Variants in RBM6 observed in about 807,000 individuals in gnomAD.
RBM6 encodes the protein RNA-binding protein 6.
A neutral mutation model predicts 140.4 loss-of-function variants in RBM6; 23 were observed. The ratio of observed to expected loss-of-function variants is 0.16; its 90% CI spans 0.12 to 0.23. The LOEUF (loss-of-function observed/expected upper bound fraction) is 0.23, where lower values mean the gene tolerates loss of function less well. Ranked by LOEUF, RBM6 falls within the 10% of genes least tolerant of loss-of-function variation. The probability of loss-of-function intolerance (pLI) is 1.00; values close to 1 mark genes in which losing one functional copy is unlikely to be tolerated. For synonymous variants in RBM6, 439 were observed against 475.6 expected (o/e 0.92, Z 1.00); for missense variants, 1,139 against 1,386.7 (o/e 0.82, Z 2.84).
Position 50,070,523 on chromosome 3 carries a change from A to G in RBM6, c.3087A>G (p.Lys1029=). 1 of 1,613,872 alleles carries G rather than the reference A, an allele frequency of 6.2e-7. No homozygotes were observed. Among genetic ancestry groups the G allele is most frequent in the Non-Finnish European group, 8.5e-7 (1 of 1,179,794 alleles). Residue 1029 remains lysine (K), a synonymous_variant, in exon 19 of 21, where the codon AAA becomes AAG. Transcript: ENST00000266022. ...KLQSFDSPER[K]RIKYSRETDS... is the part of the protein sequence containing the mutation. ...AGTCTTTTGACTCTCCAGAAAGGAA[A>G]CGGATTAAGTACTCCAGGGAAACTG...
rs894943903 is a variant in RBM6 at position 49,967,514 on chromosome 3, A to C, written c.89A>C (p.Tyr30Ser). The C allele has an allele frequency of 6.2e-7, 1 of 1,614,118 alleles. No individual in the cohort carries two copies. Among genetic ancestry groups the C allele is most frequent in the Non-Finnish European group, 8.5e-7 (1 of 1,180,022 alleles). ...TTTGCTCCCGGGTGGAACAGGGATT[A>C]TCCTCCTCCTCCCCTTAAGAGTCAT... ...ERFAPGWNRD[Y>S]PPPPLKSHAQ... The change falls in exon 3 of 21, where the codon TAT becomes TCT. Residue 30 changes from tyrosine (Y) to serine (S), a missense_variant. Physicochemically the swap from Tyr to Ser is moderately radical, Grantham distance 144. Coordinates refer to ENST00000266022, the MANE Select transcript of RBM6 (RefSeq NM_005777.3). This position sits in a 1 kb window ranked among gnomAD's most constrained non-coding sequence, Gnocchi z 4.0.
rs187764498 is a variant in RBM6, at chr3:50,060,483, C to T, written c.2229-473C>T. ...TGCTCATTGGGCAGGCGTGGTGGCT[C>T]ACGCCTGTAATCTCAGCACCTGGGG... On this transcript the variant is annotated intron_variant, in intron 11 of 20. Transcript: ENST00000266022. 2.0e-5 allele frequency among the ~76,000 whole-genome samples: 3 copies of T among 151,940 alleles called. No homozygotes were observed. The East Asian group carries it at 5.8e-4, about 29-fold the overall frequency.
chr3:50,018,566 G>A (rs1575706773), intron 6 of RBM6, among the ~76,000 whole-genome samples: 1 of 139,458 alleles, frequency 7.2e-6, no homozygotes, highest in African/African-American at 2.7e-5. Context: ...TTACTGGATC[G>A]TATGGTAGGA....
At chr3:49,956,494 G>C (rs2083996188) in intron 1 of RBM6, among the ~76,000 whole-genome samples, 1 of 150,276 alleles carries the variant, frequency 6.7e-6, no homozygotes, top group Non-Finnish European at 1.5e-5. Flanking sequence ...CACCATGCCT[G>C]GCTAATTTTG....
intron 6 of RBM6, among the ~76,000 whole-genome samples, chr3:50,032,719 G>A (rs1367329605): frequency 6.6e-6 from 1 of 152,074 alleles, no homozygotes; most frequent in African/African-American, 2.4e-5. Context: ...GGGCACGGTG[G>A]CTCACGCCTA....
In RBM6 at chr3:49,956,798, T is replaced by A. The variant is rs140880175; in HGVS notation, c.-66-5778T>A. 2.6e-5 allele frequency among the ~76,000 whole-genome samples: 4 copies of A among 151,460 alleles called. No homozygotes were observed. In the East Asian group the frequency reaches 7.8e-4, roughly 30 times the overall value. On this transcript the variant is annotated intron_variant, in intron 1 of 20. Coordinates refer to ENST00000266022, the MANE Select transcript of RBM6 (RefSeq NM_005777.3). ...CTCCTGCCTCAGCCTCCTGAGTAGC[T>A]GAATTTACAGGCATGCGCCACCATG...
intron 2 of RBM6, among the ~76,000 whole-genome samples, chr3:49,963,396 G>T (rs2108620953): frequency 6.6e-6 from 1 of 151,900 alleles, no homozygotes; most frequent in Non-Finnish European, 1.5e-5. Context: ...ACTATGCCTG[G>T]CTAATTTCAT....
intron 7 of RBM6, among the ~76,000 whole-genome samples, chr3:50,052,922 C>T (rs1010771947): frequency 6.6e-6 from 1 of 151,112 alleles, no homozygotes; most frequent in African/African-American, 2.4e-5. Context: ...CCAAGGCTGA[C>T]AATGGAGAGA....
intron 17 of RBM6, among the ~76,000 whole-genome samples, chr3:50,067,992 G>T (rs764940166): frequency 6.6e-6 from 1 of 152,172 alleles, no homozygotes; most frequent in Non-Finnish European, 1.5e-5. Flanking sequence ...GAAGTTGTGA[G>T]TTGTCAGACT....
At chr3:50,056,543 C>T (rs751644403) in intron 8 of RBM6, among the ~76,000 whole-genome samples, 8 of 152,174 alleles carry the variant, frequency 5.3e-5, no homozygotes, top group Non-Finnish European at 7.4e-5. Flanking sequence ...ATCTGCCCGC[C>T]TCAGTCTCCC....
Position 50,066,307 on chromosome 3 carries a change from GGAA to G in RBM6, c.2754_2756del (p.Glu921del). 3 of 1,614,138 alleles carry G rather than the reference GGAA, an allele frequency of 1.9e-6. No homozygotes were observed. Among genetic ancestry groups the G allele is most frequent in the Non-Finnish European group, 2.5e-6 (3 of 1,180,032 alleles). ...ATGGAGGAGACAGTGACTATGAGGA[GGAA>G]GAAGAGGAGGAACAGACCCCTCCCC... On this transcript the variant is annotated inframe_deletion, in exon 17 of 21. Coordinates refer to ENST00000266022, the MANE Select transcript of RBM6 (RefSeq NM_005777.3).
chr3:50,008,546 CTTTTTTTTTTTTT>C (rs5848909), intron 6 of RBM6, among the ~76,000 whole-genome samples: 5 of 73,694 alleles, frequency 6.8e-5, no homozygotes, highest in South Asian at 7.8e-4. Flanking sequence ...TCTTTTGTAA[CTTTTTTTTTTTTT>C]TTTTTTTTTT....
chr3:49,951,541 A>G (rs1212813131), intron 1 of RBM6, among the ~76,000 whole-genome samples: 1 of 150,708 alleles, frequency 6.6e-6, no homozygotes, highest in African/African-American at 2.4e-5. Context: ...GGCCTTTACT[A>G]TATTTTATTT....
intron 16 of RBM6, among the ~76,000 whole-genome samples, chr3:50,065,918 A>G (rs1053021684): frequency 6.6e-6 from 1 of 152,340 alleles, no homozygotes; most frequent in East Asian, 1.9e-4. Flanking sequence ...CATGAGTTAC[A>G]GTAATTTGGA....
At chr3:49,995,353 C>T (rs1250391236) in intron 5 of RBM6, among the ~76,000 whole-genome samples, 4 of 152,108 alleles carry the variant, frequency 2.6e-5, no homozygotes, top group Middle Eastern at 3.4e-3. Flanking sequence ...CTCAGGAGTT[C>T]GAGACCAGCC....
intron 2 of RBM6, among the ~76,000 whole-genome samples, chr3:49,966,830 G>C (rs1248761663): frequency 6.6e-6 from 1 of 152,118 alleles, no homozygotes; most frequent in Admixed American, 6.6e-5. Context: ...TCTTGGTGGA[G>C]CCACTGTAGA....
intron 1 of RBM6, among the ~76,000 whole-genome samples, chr3:49,946,699 C>T (rs1450212150): frequency 1.3e-5 from 2 of 151,948 alleles, no homozygotes; most frequent in Non-Finnish European, 2.9e-5. Context: ...CCACGCCTGG[C>T]TAATTTTTGT....
rs766505547 is a variant in RBM6, at chr3:50,075,324, A to G, written c.3240A>G (p.Ser1080=). 3.7e-6 allele frequency: 6 copies of G among 1,609,338 alleles called. No homozygotes were observed. The highest frequency in any genetic ancestry group is 5.1e-6 in the Non-Finnish European group (6 of 1,178,270). The change falls in exon 20 of 21, where the codon TCA becomes TCG. Residue 1080 remains serine, a synonymous_variant. Coordinates refer to ENST00000266022, the MANE Select transcript of RBM6 (RefSeq NM_005777.3). ...ATGGCCATCCTGGATTGGCTTCATC[A>G]GAGGAGGTAAAATGGTTTCCATCTT... ...LGYGHPGLAS[S]EEAEGRMRGP...
chr3:49,967,345 G>T lies in RBM6; in HGVS notation c.45-125G>T. The T allele has an allele frequency of 6.7e-7, 1 of 1,484,172 alleles. No individual in the cohort carries two copies. 91.9% of individuals were successfully genotyped at this position (1,484,172 alleles called of 1,614,324 possible). A position where few individuals can be genotyped will look rare whatever the true frequency, so the allele number is the denominator to read the frequency against. On this transcript the variant is annotated intron_variant, in intron 2 of 20. Transcript: ENST00000266022. This position sits in a 1 kb window ranked among gnomAD's most constrained non-coding sequence, Gnocchi z 4.0. Reference sequence around the variant, plus strand: ...CTGTTTTCTGCAGATCTAGGACCTTGTTACAGAACTCTGCCAAAAAAAAAA... The same window carrying T: ...CTGTTTTCTGCAGATCTAGGACCTTTTTACAGAACTCTGCCAAAAAAAAAA...
Sources: gnomAD v4.1 joint callset for allele counts (sites outside exome capture counted in the v4.1 genomes callset) on GRCh38, gnomAD v4.1.1 for gene constraint, Gnocchi (gnomAD v3.1) non-coding constraint, MANE v1.5 for transcripts, NCBI Gene and HGNC (gene_info 2026-07-23, HGNC 2026-07-21) for gene names.